Variants in LRRC40 observed in about 807,000 individuals in gnomAD.
LRRC40 encodes the protein leucine rich repeat containing 40.
LRRC40 carries 76 observed loss-of-function variants against 72.8 expected under a neutral mutation model. That is an observed-to-expected ratio of 1.04 (90% CI 0.87 to 1.26). The LOEUF (loss-of-function observed/expected upper bound fraction) is 1.26, where lower values mean the gene tolerates loss of function less well. LRRC40 is among the 50% of genes most tolerant of loss of function. The probability of loss-of-function intolerance (pLI) is 0.00; values close to 1 mark genes in which losing one functional copy is unlikely to be tolerated. For synonymous variants in LRRC40, 243 were observed against 254.2 expected (o/e 0.96, Z 0.42); for missense variants, 684 against 698.9 (o/e 0.98, Z 0.24).
In LRRC40 at chr1:70,205,475, G is replaced by A. The variant is rs766890244; in HGVS notation, c.66C>T (p.Asp22=). The part of the protein sequence containing the change: ...LRAGFKAGGR[D]CGTSVPQGLL... ...GCCCTTGGGGTACCGAGGTACCGCA[G>A]TCTCTTCCACCTGCTTTGAAACCAG... is the stretch of plus-strand genomic sequence containing the variant. The change falls in exon 1 of 15, where the codon GAC becomes GAT. Residue 22 remains aspartate, a synonymous_variant. Transcript: ENST00000370952. 1 of 1,610,414 alleles carries A rather than the reference G, an allele frequency of 6.2e-7. No individual in the cohort carries two copies. The highest frequency in any genetic ancestry group is 1.1e-5 in the South Asian group (1 of 90,874).
chr1:70,148,741 A>C (rs1408408122), intron 13 of LRRC40, 69 bp from the exon 14 acceptor site: 2 of 961,092 alleles, frequency 2.1e-6, no homozygotes, highest in Non-Finnish European at 3.0e-6. Context: ...AAAACATATT[A>C]TCTTAAATTT....
intron 1 of LRRC40, among the ~76,000 whole-genome samples, chr1:70,198,607 T>C (rs1214084893): frequency 6.6e-6 from 1 of 152,214 alleles, no homozygotes; most frequent in African/African-American, 2.4e-5. Context: ...TTCTTTGAAG[T>C]TGGTTATTAA....
intron 1 of LRRC40, among the ~76,000 whole-genome samples, chr1:70,189,762 A>G (rs1007421656): frequency 2.0e-5 from 3 of 152,246 alleles, no homozygotes; most frequent in African/African-American, 7.2e-5. Flanking sequence ...AAACCTTGGA[A>G]CAATTCTGCA....
intron 1 of LRRC40, among the ~76,000 whole-genome samples, chr1:70,195,500 T>G (rs1033491599): frequency 6.6e-6 from 1 of 152,046 alleles, no homozygotes; most frequent in African/African-American, 2.4e-5. Flanking sequence ...CAAAAAAATA[T>G]GCCAACACAG....
rs3223615 is a variant in LRRC40 at position 70,199,215 on chromosome 1, T to TCACACACACACACA, written c.151+6161_151+6174dup. On this transcript the variant is annotated intron_variant, in intron 1 of 14. Coordinates refer to ENST00000370952, the MANE Select transcript of LRRC40 (RefSeq NM_017768.5). ...AATAGCAGTCAAATTATACATAGTC[T>TCACACACACACACA]CACACACACACACACACACACACAC... Among the ~76,000 whole-genome samples, 247 of 140,498 alleles carry TCACACACACACACA rather than the reference T, an allele frequency of 1.8e-3. 2 individuals carry two copies. The highest frequency in any genetic ancestry group is 6.0e-3 in the African/African-American group (221 of 36,734). 92.2% of individuals were successfully genotyped at this position (140,498 alleles called of 152,430 possible).
chr1:70,159,444 A>AAAAG lies in LRRC40; in HGVS notation c.1112-10_1112-7dup, dbSNP rs1224141496. On this transcript the variant is annotated splice_region_variant and splice_polypyrimidine_tract_variant and intron_variant, in intron 9 of 14. Transcript: ENST00000370952. ...ACTTTGGCTAGGTCCATCATCTGGCAAAAGAAAACTTATATGAAGCCAATA... is the reference window on the plus strand; with the variant it reads ...ACTTTGGCTAGGTCCATCATCTGGCAAAAGAAAGAAAACTTATATGAAGCCAATA... 7.1e-7 allele frequency: 1 copy of AAAAG among 1,401,062 alleles called. No individual in the cohort carries two copies. The highest frequency in any genetic ancestry group is 1.2e-5 in the South Asian group (1 of 80,520). The allele number at this position is 1,401,062 out of a possible 1,614,324, so 86.8% of individuals were successfully genotyped here.
intron 1 of LRRC40, among the ~76,000 whole-genome samples, chr1:70,198,644 T>G (rs1668666715): frequency 6.6e-6 from 1 of 152,200 alleles, no homozygotes; most frequent in African/African-American, 2.4e-5. Flanking sequence ...AGAATATCTT[T>G]CTAAATAAGT....
chr1:70,171,011 T>G (rs1026473300), intron 9 of LRRC40, among the ~76,000 whole-genome samples: 1 of 152,124 alleles, frequency 6.6e-6, no homozygotes, highest in Non-Finnish European at 1.5e-5. Flanking sequence ...GTCAGACATA[T>G]AGATCAACAG....
In LRRC40 at chr1:70,157,501, G is replaced by A. The variant is rs912042246; in HGVS notation, c.1221-1705C>T. On this transcript the variant is annotated intron_variant, in intron 10 of 14. Coordinates refer to ENST00000370952, the MANE Select transcript of LRRC40 (RefSeq NM_017768.5). Reference sequence around the variant, plus strand: ...ATCTGTGCCTTTAAGAAGTAGAAATGGTTATCCCAAATAAAATTGGACCAA... The same window carrying A: ...ATCTGTGCCTTTAAGAAGTAGAAATAGTTATCCCAAATAAAATTGGACCAA... Among the ~76,000 whole-genome samples, 5 of 152,266 alleles carry A rather than the reference G, an allele frequency of 3.3e-5. No individual in the cohort carries two copies. The East Asian group carries it at 9.7e-4, about 29-fold the overall frequency.
At chr1:70,182,041 T>G (rs1260901132) in intron 4 of LRRC40, among the ~76,000 whole-genome samples, 3 of 151,954 alleles carry the variant, frequency 2.0e-5, no homozygotes, top group Admixed American at 2.0e-4. Flanking sequence ...ACTAAACAAT[T>G]CATTTAATCT....
intron 13 of LRRC40, among the ~76,000 whole-genome samples, chr1:70,150,655 G>A (rs1034210918): frequency 6.6e-6 from 1 of 152,110 alleles, no homozygotes; most frequent in African/African-American, 2.4e-5. Context: ...TTGCTTTATT[G>A]TCCAAAGCAC....
intron 13 of LRRC40, among the ~76,000 whole-genome samples, chr1:70,149,957 G>C (rs1306538762): frequency 6.6e-6 from 1 of 152,024 alleles, no homozygotes; most frequent in Non-Finnish European, 1.5e-5. Context: ...GTCTTGCTCT[G>C]TCGCCTAGGC....
At chr1:70,149,729 G>GGAGCA (rs1667419504) in intron 13 of LRRC40, among the ~76,000 whole-genome samples, 1 of 152,032 alleles carries the variant, frequency 6.6e-6, no homozygotes, top group Non-Finnish European at 1.5e-5. Flanking sequence ...GACAAGTAAT[G>GGAGCA]GAGCAGACAG....
intron 9 of LRRC40, among the ~76,000 whole-genome samples, chr1:70,163,808 A>C (rs1196544231): frequency 3.9e-5 from 6 of 152,252 alleles, no homozygotes; most frequent in Admixed American, 3.9e-4. Flanking sequence ...AGCTTGAATA[A>C]AGGCAATGTT....
chr1:70,161,773 A>G (rs1667769863), intron 9 of LRRC40, among the ~76,000 whole-genome samples: 1 of 152,254 alleles, frequency 6.6e-6, no homozygotes, highest in Admixed American at 6.5e-5. Context: ...AATAAGAGTA[A>G]AAAACTAGAG....
intron 1 of LRRC40, 145 bp downstream of exon 1, chr1:70,205,245 T>G (rs1203286844): frequency 1.4e-6 from 1 of 731,946 alleles, no homozygotes; most frequent in Admixed American, 2.7e-5. Flanking sequence ...CCGGTCGAAA[T>G]GAGCACAGGG....
intron 1 of LRRC40, among the ~76,000 whole-genome samples, chr1:70,194,540 A>T (rs1306084401): frequency 6.6e-6 from 1 of 152,104 alleles, no homozygotes; most frequent in Non-Finnish European, 1.5e-5. Context: ...ATCCTAATAA[A>T]AATCCCAGAA....
chr1:70,166,275 T>C (rs953791781), intron 9 of LRRC40, among the ~76,000 whole-genome samples: 1 of 152,156 alleles, frequency 6.6e-6, no homozygotes, highest in African/African-American at 2.4e-5. Flanking sequence ...ATTATTTAAA[T>C]GTGATTGAAC....
intron 1 of LRRC40, among the ~76,000 whole-genome samples, chr1:70,203,358 T>A (rs948821140): frequency 2.6e-5 from 4 of 152,178 alleles, no homozygotes; most frequent in African/African-American, 9.7e-5. Context: ...GAAAAATAAC[T>A]CTTGGTAATG....
Sources: allele counts gnomAD v4.1 joint callset (sites outside exome capture counted in the v4.1 genomes callset), GRCh38; gene constraint gnomAD v4.1.1; transcripts MANE v1.5; gene names NCBI Gene and HGNC (gene_info 2026-07-23, HGNC 2026-07-21).